The following TBX5 variants were observed in gnomAD, a reference collection of about 807,000 sequenced individuals.
TBX5 encodes T-box transcription factor TBX5.
In TBX5, 8 loss-of-function variants were observed where a neutral mutation model predicts 51.1. The observed-to-expected ratio is 0.16, with a 90% CI of 0.09 to 0.28. The LOEUF (loss-of-function observed/expected upper bound fraction) is 0.28, where lower values mean the gene tolerates loss of function less well. TBX5 is among the 10% of genes least tolerant of loss of function. The pLI, the probability that TBX5 is intolerant of heterozygous loss-of-function variation, is 1.00. For missense variants in TBX5, 589 were observed against 671.7 expected (o/e 0.88, Z 1.36); for synonymous variants, 302 against 266.4 (o/e 1.13, Z -1.30).
At chr12:114,384,424 T>G (rs1398939288) in intron 7 of TBX5, among the ~76,000 whole-genome samples, 2 of 152,242 alleles carry the variant, frequency 1.3e-5, no homozygotes, top group South Asian at 2.1e-4. Flanking sequence ...TGCAGGAACA[T>G]GCCACCTGGG....
intron 6 of TBX5, among the ~76,000 whole-genome samples, chr12:114,391,677 C>T (rs1040936538): frequency 1.3e-5 from 2 of 152,192 alleles, no homozygotes; most frequent in African/African-American, 2.4e-5. Context: ...TAACCCTATG[C>T]GATGGTGAGC....
chr12:114,376,220 C>T (rs1870178895), intron 7 of TBX5, among the ~76,000 whole-genome samples: 2 of 151,876 alleles, frequency 1.3e-5, no homozygotes, highest in South Asian at 4.2e-4. Flanking sequence ...ATGGAATCAG[C>T]CTGAGTATCC....
chr12:114,377,600 G>C (rs1244277039), intron 7 of TBX5, among the ~76,000 whole-genome samples: 1 of 141,794 alleles, frequency 7.1e-6, no homozygotes, highest in Non-Finnish European at 1.5e-5. Flanking sequence ...TTTTTTTTTA[G>C]AGACAGGATC....
chr12:114,395,971 GAACT>G, intron 5 of TBX5, among the ~76,000 whole-genome samples: 1 of 152,122 alleles, frequency 6.6e-6, no homozygotes, highest in Non-Finnish European at 1.5e-5. Context: ...CATCCCCACC[GAACT>G]TGCGAATCGC....
intron 8 of TBX5, among the ~76,000 whole-genome samples, chr12:114,357,048 A>G (rs1048502488): frequency 2.7e-5 from 4 of 150,672 alleles, no homozygotes; most frequent in African/African-American, 7.3e-5. Context: ...GCATGGATGC[A>G]TGGATGAGTG....
At chr12:114,386,609 A>G (rs1870828173) in intron 6 of TBX5, among the ~76,000 whole-genome samples, 1 of 152,238 alleles carries the variant, frequency 6.6e-6, no homozygotes, top group African/African-American at 2.4e-5. Context: ...ACTTCTTTGT[A>G]TGACAAACTA....
intron 8 of TBX5, among the ~76,000 whole-genome samples, chr12:114,362,767 C>G (rs1416376114): frequency 6.6e-6 from 1 of 152,172 alleles, no homozygotes; most frequent in South Asian, 2.1e-4. Context: ...TGGGCTCAAG[C>G]AATCCTCCCA....
chr12:114,385,675 C>T, intron 6 of TBX5, 108 bp from the exon 7 acceptor site: 1 of 934,208 alleles, frequency 1.1e-6, no homozygotes, highest in South Asian at 1.4e-5. Context: ...CCTCTGGCAA[C>T]CAAAAGAAGC....
intron 7 of TBX5, among the ~76,000 whole-genome samples, chr12:114,367,140 T>G (rs1213725829): frequency 1.3e-5 from 2 of 150,946 alleles, no homozygotes; most frequent in East Asian, 3.9e-4. Flanking sequence ...TGTTATTGTT[T>G]TGGGCAGAGA....
intron 7 of TBX5, among the ~76,000 whole-genome samples, chr12:114,370,811 G>A (rs556383458): frequency 1.3e-5 from 2 of 151,726 alleles, no homozygotes; most frequent in East Asian, 3.9e-4. Flanking sequence ...TTGTTTTGGG[G>A]GAATAGGTAG....
At chr12:114,361,912 T>C (rs924985917) in intron 8 of TBX5, among the ~76,000 whole-genome samples, 3 of 151,526 alleles carry the variant, frequency 2.0e-5, no homozygotes, top group Non-Finnish European at 4.4e-5. Context: ...AAGGGCAGAG[T>C]TTCTGGAAAG....
chr12:114,401,173 T>C (rs1275433492), intron 3 of TBX5, among the ~76,000 whole-genome samples: 1 of 152,186 alleles, frequency 6.6e-6, no homozygotes, highest in Non-Finnish European at 1.5e-5. Flanking sequence ...TAGCTAAAAC[T>C]CTGCGAGCTT....
chr12:114,376,871 C>T (rs1282043036), intron 7 of TBX5, among the ~76,000 whole-genome samples: 8 of 151,376 alleles, frequency 5.3e-5, no homozygotes, highest in Non-Finnish European at 7.4e-5. Context: ...CAACCCTGTT[C>T]CTGAATAGCA....
chr12:114,394,322 G>A (rs1593875376), intron 6 of TBX5, among the ~76,000 whole-genome samples: 2 of 152,222 alleles, frequency 1.3e-5, no homozygotes, highest in East Asian at 1.9e-4. Context: ...CTGTCTCGGA[G>A]TGAAAAATAT....
intron 6 of TBX5, among the ~76,000 whole-genome samples, chr12:114,392,895 G>A (rs1895608): frequency 0.61 from 92,253 of 151,864 alleles, 28,599 homozygotes; most frequent in Admixed American, 0.74. Flanking sequence ...AAGGATACTC[G>A]GAAAAATCCT....
intron 7 of TBX5, among the ~76,000 whole-genome samples, chr12:114,370,626 G>T (rs1007082661): frequency 1.4e-5 from 2 of 144,930 alleles, no homozygotes; most frequent in South Asian, 4.5e-4. Context: ...TTAGAGTGGG[G>T]GATGATCTCT....
chr12:114,400,873 A>T (rs529066443), intron 3 of TBX5, among the ~76,000 whole-genome samples: 1 of 152,302 alleles, frequency 6.6e-6, no homozygotes, highest in South Asian at 2.1e-4. Context: ...CAGTTTATTG[A>T]GGGAGGCTTC....
intron 7 of TBX5, among the ~76,000 whole-genome samples, chr12:114,369,988 C>T (rs1162054049): frequency 6.6e-6 from 1 of 152,088 alleles, no homozygotes; most frequent in Non-Finnish European, 1.5e-5. Context: ...GGCACGGTGG[C>T]TCACACCTGT....
intron 8 of TBX5, among the ~76,000 whole-genome samples, chr12:114,365,431 G>A (rs905374841): frequency 6.6e-6 from 1 of 151,940 alleles, no homozygotes; most frequent in African/African-American, 2.4e-5. Context: ...AAATAAGGCA[G>A]TCTAGGTTCA....
Sources: gnomAD v4.1 joint callset for allele counts (sites outside exome capture counted in the v4.1 genomes callset) on GRCh38, gnomAD v4.1.1 for gene constraint, MANE v1.5 for transcripts, NCBI Gene and HGNC (gene_info 2026-07-23, HGNC 2026-07-21) for gene names.